Variants in ATE1 observed in about 807,000 individuals in gnomAD.
ATE1 encodes the protein arginyltransferase 1, also known as arginyl-tRNA--protein transferase 1.
Under a neutral mutation model 70.5 loss-of-function variants are expected in ATE1, and 36 were observed. The observed-to-expected ratio is 0.51, with a 90% CI of 0.39 to 0.67. The LOEUF is 0.67. Among genes scored for constraint, ATE1 ranks in the 30% least tolerant of loss-of-function variants. The pLI, the probability that ATE1 is intolerant of heterozygous loss-of-function variation, is 0.00. For synonymous variants in ATE1, 232 were observed against 219.3 expected, an observed-to-expected ratio of 1.06 and a Z score of -0.51; for missense variants, 593 against 629.5, an observed-to-expected ratio of 0.94 and a Z score of 0.62.
chr10:121,862,050 C>T (rs1422615474), intron 8 of ATE1, among the ~76,000 whole-genome samples: 3 of 152,164 alleles, frequency 2.0e-5, no homozygotes, highest in Non-Finnish European at 2.9e-5. Context: ...GGCCTTAGAA[C>T]AGAGAGCAGG....
chr10:121,917,577 G>C (rs979338223), intron 3 of ATE1, among the ~76,000 whole-genome samples: 1 of 152,002 alleles, frequency 6.6e-6, no homozygotes, highest in African/African-American at 2.4e-5. Flanking sequence ...ACAGGGATAA[G>C]AGAAAACTAA....
chr10:121,778,849 T>TG (rs2135939174), intron 11 of ATE1, among the ~76,000 whole-genome samples: 1 of 152,170 alleles, frequency 6.6e-6, no homozygotes, highest in South Asian at 2.1e-4. Context: ...GTGATCCGCC[T>TG]GCCTCTGCCT....
intron 8 of ATE1, among the ~76,000 whole-genome samples, chr10:121,853,400 A>AGTTCAG (rs1446407083): frequency 6.6e-6 from 1 of 151,546 alleles, no homozygotes; most frequent in Non-Finnish European, 1.5e-5. Context: ...AAGAATTACT[A>AGTTCAG]GTTCAGGTCA....
intron 8 of ATE1, among the ~76,000 whole-genome samples, chr10:121,849,067 C>G (rs1040781333): frequency 6.6e-6 from 1 of 151,542 alleles, no homozygotes. Context: ...AAAAATTAGC[C>G]AGGCATGGTG....
chr10:121,920,808 C>T (rs1951851279), intron 3 of ATE1, among the ~76,000 whole-genome samples: 1 of 151,972 alleles, frequency 6.6e-6, no homozygotes, highest in South Asian at 2.1e-4. Context: ...GCCTGGCCAA[C>T]ATAGTGAAAC....
chr10:121,880,696 T>C (rs1023249165), intron 7 of ATE1, among the ~76,000 whole-genome samples: 3 of 152,054 alleles, frequency 2.0e-5, no homozygotes, highest in African/African-American at 7.2e-5. Context: ...TTTACTTTTA[T>C]AATTAACTAC....
At chr10:121,903,747 C>T (rs1473991746) in intron 5 of ATE1, among the ~76,000 whole-genome samples, 1 of 152,016 alleles carries the variant, frequency 6.6e-6, no homozygotes, top group Non-Finnish European at 1.5e-5. Flanking sequence ...CCAAATACTG[C>T]AGGTATTTGG....
At chr10:121,841,348 T>A (rs1415063159) in intron 8 of ATE1, 85 bp from the exon 9 acceptor site, 1 of 987,534 alleles carries the variant, frequency 1.0e-6, no homozygotes, top group African/African-American at 1.7e-5. Context: ...TTTCCTCAGG[T>A]TAATAAGTCC....
intron 3 of ATE1, among the ~76,000 whole-genome samples, chr10:121,917,164 A>C (rs1951694062): frequency 6.8e-6 from 1 of 146,628 alleles, no homozygotes; most frequent in East Asian, 2.0e-4. Context: ...ACTCCATCTC[A>C]AAAAAAAAAA....
chr10:121,818,130 G>GACAC (rs1947633228), intron 10 of ATE1, among the ~76,000 whole-genome samples: 1 of 151,820 alleles, frequency 6.6e-6, no homozygotes, highest in South Asian at 2.1e-4. Context: ...CGGGAATGAT[G>GACAC]GTGTGTGCTT....
chr10:121,874,014 A>G (rs11200203), intron 7 of ATE1, among the ~76,000 whole-genome samples: 20,040 of 152,202 alleles, frequency 0.13, 1,519 homozygotes, highest in East Asian at 0.19. Flanking sequence ...ACTTCCAGTT[A>G]TATTTCCTGG....
intron 10 of ATE1, among the ~76,000 whole-genome samples, chr10:121,821,293 A>G (rs963520430): frequency 1.3e-5 from 2 of 152,188 alleles, no homozygotes. Flanking sequence ...GTTGATAAAG[A>G]CACAAAAGCA....
intron 7 of ATE1, among the ~76,000 whole-genome samples, chr10:121,876,005 A>G (rs1002505047): frequency 6.6e-6 from 1 of 152,112 alleles, no homozygotes; most frequent in Non-Finnish European, 1.5e-5. Flanking sequence ...GTTTTCCCCA[A>G]TCTGTGCTTA....
At chr10:121,798,399 C>G (rs753235154) in intron 10 of ATE1, among the ~76,000 whole-genome samples, 4 of 152,066 alleles carry the variant, frequency 2.6e-5, no homozygotes, top group Non-Finnish European at 4.4e-5. Context: ...AAGAGATGTA[C>G]AGCTTTTCAT....
At chr10:121,753,058 A>G (rs188606175) in intron 11 of ATE1, among the ~76,000 whole-genome samples, 1 of 152,284 alleles carries the variant, frequency 6.6e-6, no homozygotes, top group East Asian at 1.9e-4. Flanking sequence ...TAATTTTTGC[A>G]TTGCTCTGTT....
At chr10:121,901,189 C>T (rs1425733973) in intron 6 of ATE1, among the ~76,000 whole-genome samples, 1 of 151,888 alleles carries the variant, frequency 6.6e-6, no homozygotes, top group Non-Finnish European at 1.5e-5. Context: ...ATCGCTTGAA[C>T]CCAGGAGGCA....
At chr10:121,899,201 T>TC (rs3833740) in intron 7 of ATE1, among the ~76,000 whole-genome samples, 19,974 of 152,050 alleles carry the variant, frequency 0.13, 1,508 homozygotes, top group East Asian at 0.18. Flanking sequence ...TCTTTTTTTT[T>TC]TCTCTCTCTC....
intron 1 of ATE1, among the ~76,000 whole-genome samples, 168 bp from the exon 2 acceptor site, chr10:121,924,497 A>G (rs935991050): frequency 7.9e-5 from 12 of 152,094 alleles, no homozygotes; most frequent in South Asian, 4.1e-4. Context: ...TCAGGAGTTC[A>G]AGACCAGCCT....
chr10:121,900,161 T>G (rs1384324323), intron 6 of ATE1, among the ~76,000 whole-genome samples, 167 bp from the exon 7 acceptor site: 2 of 152,210 alleles, frequency 1.3e-5, no homozygotes, highest in Non-Finnish European at 2.9e-5. Context: ...AAGAAAAAAG[T>G]TATTTTTGTA....
Sources: allele counts gnomAD v4.1 joint callset (sites outside exome capture counted in the v4.1 genomes callset), GRCh38; gene constraint gnomAD v4.1.1; transcripts MANE v1.5; gene names NCBI Gene and HGNC (gene_info 2026-07-23, HGNC 2026-07-21).